The following CTSZ variants were observed in gnomAD, a reference collection of about 807,000 sequenced individuals.
CTSZ encodes the protein cathepsin Z.
CTSZ carries 39 observed loss-of-function variants against 32.4 expected under a neutral mutation model. That is an observed-to-expected ratio of 1.20 (90% confidence interval 0.93 to 1.57). The LOEUF is 1.57. CTSZ is among the 40% of genes most tolerant of loss of function. The probability of loss-of-function intolerance (pLI) is 0.00; values close to 1 mark genes in which losing one functional copy is unlikely to be tolerated. For synonymous variants in CTSZ, 168 were observed against 170.1 expected, an observed-to-expected ratio of 0.99 and a Z score of 0.10; for missense variants, 397 against 419.6, an observed-to-expected ratio of 0.95 and a Z score of 0.47.
intron 4 of CTSZ, 104 bp from the exon 5 acceptor site, chr20:58,996,905 C>T (rs1245800787): frequency 4.5e-6 from 6 of 1,339,600 alleles, no homozygotes; most frequent in Non-Finnish European, 6.1e-6. Context: ...GCCTGTAATT[C>T]CAGCACTTTG....
chr20:59,000,723 A>C (rs1191252342), intron 3 of CTSZ, among the ~76,000 whole-genome samples: 1 of 152,182 alleles, frequency 6.6e-6, no homozygotes, highest in African/African-American at 2.4e-5. Flanking sequence ...AAAGCCACCA[A>C]AATGCCAGCA....
chr20:58,997,483 C>T (rs2091866482), intron 4 of CTSZ, 120 bp downstream of exon 4: 19 of 1,005,302 alleles, frequency 1.9e-5, no homozygotes, highest in South Asian at 1.4e-4. Context: ...ACATGAGCAC[C>T]GACATGAGCC....
At position 59,007,205 on chromosome 20, in the gene CTSZ, T is replaced by C; in HGVS notation, c.-77A>G. ...ATCCCGCGCCGGCTCCCGCTCTGGA[T>C]CCCGCCCCGGCCTCGGCCTCGGCCC... is the stretch of plus-strand genomic sequence containing the variant. On this transcript the variant is annotated 5_prime_UTR_variant, in exon 1 of 6. Coordinates refer to ENST00000217131, the MANE Select transcript of CTSZ (RefSeq NM_001336.4). 8.0e-7 allele frequency: 1 copy of C among 1,247,326 alleles called. No homozygotes were observed. Among genetic ancestry groups the C allele is most frequent in the Non-Finnish European group, 1.0e-6 (1 of 1,003,418 alleles). The allele number at this position is 1,247,326 out of a possible 1,614,324, so 77.3% of individuals were successfully genotyped here.
chr20:58,995,511 G>A lies in CTSZ; in HGVS notation c.*138C>T, dbSNP rs2091853476. ...CAACTCTCAGGAACACTCGCAGCCAGTGCCACGCTGTCCTCGCCATCCAAT... is the reference window on the plus strand; with the variant it reads ...CAACTCTCAGGAACACTCGCAGCCAATGCCACGCTGTCCTCGCCATCCAAT... On this transcript the variant is annotated 3_prime_UTR_variant, in exon 6 of 6. Coordinates refer to ENST00000217131, the MANE Select transcript of CTSZ (RefSeq NM_001336.4). The A allele has an allele frequency of 4.3e-6, 3 of 697,066 alleles. No individual in the cohort carries two copies. The South Asian group carries it at 5.4e-5, about 13-fold the overall frequency. The allele number at this position is 697,066 out of a possible 1,614,324, so 43.2% of individuals were successfully genotyped here.
chr20:58,997,637 T>C lies in CTSZ; in HGVS notation c.604A>G (p.Met202Val), dbSNP rs1414145729. ...CCATTTGCATAGATTTCTGCCATCA[T>C]CTTCTCCCTCCCAGAGAGGGAGCCG... The part of the protein sequence containing the change: ...DYGSLSGREK[M>V]MAEIYANGPI... The change falls in exon 4 of 6, where the codon ATG becomes GTG. Residue 202 changes from methionine (M) to valine (V), a missense_variant. Met to Val is a conservative substitution (Grantham distance 21). Coordinates refer to ENST00000217131, the MANE Select transcript of CTSZ (RefSeq NM_001336.4). 1 of 1,604,734 alleles carries C rather than the reference T, an allele frequency of 6.2e-7. No individual in the cohort carries two copies. Among genetic ancestry groups the C allele is most frequent in the African/African-American group, 1.3e-5 (1 of 74,570 alleles).
chr20:59,001,743 C>T (rs2091890697), intron 2 of CTSZ, 99 bp from the exon 3 acceptor site: 2 of 1,258,028 alleles, frequency 1.6e-6, no homozygotes, highest in African/African-American at 2.9e-5. Context: ...CGCTGCCCAG[C>T]CTGGCCTGCC....
intron 3 of CTSZ, among the ~76,000 whole-genome samples, chr20:59,000,047 C>T (rs13045590): frequency 0.18 from 25,092 of 143,278 alleles, 2,263 homozygotes; most frequent in African/African-American, 0.24. Flanking sequence ...CCTGCCTGGG[C>T]GAAAGAGCGA....
At chr20:59,006,569 G>T (rs756802063) in intron 1 of CTSZ, 84 bp from the exon 2 acceptor site, 17 of 1,423,858 alleles carry the variant, frequency 1.2e-5, no homozygotes, top group Non-Finnish European at 2.9e-6. Context: ...GGGCCCTCCC[G>T]CCTTTCCCAA....
In CTSZ at chr20:59,000,134, T is replaced by A. The variant is rs1028484228; in HGVS notation, c.487+1331A>T. ...AGCTCATGCCTGTAATCCCACCATT[T>A]TGGGAGGCCAAGGCAGGTGGATCAC... On this transcript the variant is annotated intron_variant, in intron 3 of 5. Transcript: ENST00000217131. Among the ~76,000 whole-genome samples the A allele has an allele frequency of 2.6e-5, 4 of 151,752 alleles. No individual in the cohort carries two copies. The East Asian group carries it at 5.8e-4, about 22-fold the overall frequency.
At chr20:58,998,292 G>C (rs1376429557) in intron 3 of CTSZ, among the ~76,000 whole-genome samples, 14 of 152,296 alleles carry the variant, frequency 9.2e-5, no homozygotes, top group Non-Finnish European at 1.8e-4. Flanking sequence ...TGTAATCCCA[G>C]CTCTTTGGGA....
intron 2 of CTSZ, among the ~76,000 whole-genome samples, chr20:59,003,017 C>T (rs2091896088): frequency 6.6e-6 from 1 of 152,204 alleles, no homozygotes; most frequent in Non-Finnish European, 1.5e-5. Flanking sequence ...ACCCCTACTG[C>T]CCCGCTCCTC....
rs1044268807 is a variant in CTSZ, at chr20:58,997,498, C to T, written c.638+105G>A. ...ACATGAGCACCGACATGAGCCCACA[C>T]TGGCGCTGTCACCGCGGATCTCTCC... On this transcript the variant is annotated intron_variant, in intron 4 of 5. Transcript: ENST00000217131. 4 of 1,183,194 alleles carry T rather than the reference C, an allele frequency of 3.4e-6. No homozygotes were observed. The Admixed American group carries it at 1.2e-4, about 37-fold the overall frequency. The allele number at this position is 1,183,194 out of a possible 1,614,324, so 73.3% of individuals were successfully genotyped here. A position where few individuals can be genotyped will look rare whatever the true frequency, so the allele number is the denominator to read the frequency against.
At chr20:58,995,976 C>T (rs1212857966) in intron 5 of CTSZ, among the ~76,000 whole-genome samples, 1 of 152,136 alleles carries the variant, frequency 6.6e-6, no homozygotes, top group Non-Finnish European at 1.5e-5. Flanking sequence ...ACATGAGGGC[C>T]CTCTATGCCA....
In CTSZ at chr20:59,006,533, G is replaced by A. The variant is rs1023427201; in HGVS notation, c.144-48C>T. On this transcript the variant is annotated intron_variant, in intron 1 of 5. Coordinates refer to ENST00000217131, the MANE Select transcript of CTSZ (RefSeq NM_001336.4). ...CAGATCGGTGCTGGGGCTCCCGGGG[G>A]CCGTGGGCCCAGGAAGCCCTCGGTA... 7.0e-6 allele frequency: 11 copies of A among 1,563,490 alleles called. No homozygotes were observed. In the African/African-American group the frequency reaches 8.1e-5, roughly 12 times the overall value.
Position 59,006,490 on chromosome 20 carries a change from G to A in CTSZ, c.144-5C>T, listed in dbSNP as rs1252600798. The A allele has an allele frequency of 6.2e-7, 1 of 1,609,588 alleles. No individual in the cohort carries two copies. The highest frequency in any genetic ancestry group is 8.5e-7 in the Non-Finnish European group (1 of 1,178,666). The stretch of plus-strand genomic sequence containing the variant: ...TCATGAGGCCGGGGGTATGTGCTGA[G>A]AAGAGATCATCCCCACCCAGATCGG... On this transcript the variant is annotated splice_region_variant and splice_polypyrimidine_tract_variant and intron_variant, in intron 1 of 5. Transcript: ENST00000217131.
chr20:58,999,690 G>C (rs2091879745), intron 3 of CTSZ, among the ~76,000 whole-genome samples: 1 of 152,248 alleles, frequency 6.6e-6, no homozygotes, highest in Non-Finnish European at 1.5e-5. Context: ...CCTGGGGCAG[G>C]GGTGGAGGCA....
At chr20:59,006,628 T>C in intron 1 of CTSZ, 143 bp from the exon 2 acceptor site, 2 of 862,116 alleles carry the variant, frequency 2.3e-6, no homozygotes, top group Middle Eastern at 2.9e-4. Context: ...GTGAGCCAGG[T>C]GTGGGCCCAC....
chr20:58,996,860 G>T, intron 4 of CTSZ, 59 bp from the exon 5 acceptor site: 1 of 1,578,846 alleles, frequency 6.3e-7, no homozygotes, highest in Non-Finnish European at 8.7e-7. Flanking sequence ...ACCGTCATTA[G>T]AAATAATCTG....
chr20:59,000,333 G>A (rs1028934924), intron 3 of CTSZ, among the ~76,000 whole-genome samples: 4 of 152,220 alleles, frequency 2.6e-5, no homozygotes, highest in African/African-American at 4.8e-5. Flanking sequence ...AGCAGAGATC[G>A]TGCCATTGCA....
Sources: gnomAD v4.1 joint callset for allele counts (sites outside exome capture counted in the v4.1 genomes callset) on GRCh38, gnomAD v4.1.1 for gene constraint, MANE v1.5 for transcripts, NCBI Gene and HGNC (gene_info 2026-07-23, HGNC 2026-07-21) for gene names.